The following NKAIN1 variants were observed in gnomAD, a reference collection of about 807,000 sequenced individuals.
The protein encoded by NKAIN1 is sodium/potassium transporting ATPase interacting 1.
NKAIN1 carries 13 observed loss-of-function variants against 31.6 expected under a neutral mutation model. The ratio of observed to expected loss-of-function variants is 0.41; its 90% CI spans 0.27 to 0.65. The LOEUF is 0.65. NKAIN1 is among the 30% of genes least tolerant of loss of function. The pLI, the probability that NKAIN1 is intolerant of heterozygous loss-of-function variation, is 0.30. For missense variants in NKAIN1, 193 were observed against 262.2 expected (o/e 0.74, Z 1.82); for synonymous variants, 104 against 109.0 (o/e 0.95, Z 0.28).
At chr1:31,215,295 A>T (rs929822267) in intron 1 of NKAIN1, among the ~76,000 whole-genome samples, 1 of 152,046 alleles carries the variant, frequency 6.6e-6, no homozygotes, top group Non-Finnish European at 1.5e-5. Flanking sequence ...ACTCCCCCCA[A>T]CCCAGGGCTT....
intron 1 of NKAIN1, chr1:31,188,394 T>C (rs1645261163): frequency 3.5e-6 from 2 of 577,762 alleles, no homozygotes; most frequent in African/African-American, 1.9e-5. Flanking sequence ...GTGATAGGAG[T>C]GAGGGTTCAG....
intron 1 of NKAIN1, among the ~76,000 whole-genome samples, chr1:31,195,011 G>A (rs957074338): frequency 2.7e-5 from 4 of 147,664 alleles, no homozygotes; most frequent in African/African-American, 1.0e-4. Context: ...GACCTCATAA[G>A]CCACCCGCCG....
chr1:31,238,455 T>G (rs1451283700), intron 1 of NKAIN1, among the ~76,000 whole-genome samples: 1 of 152,152 alleles, frequency 6.6e-6, no homozygotes, highest in East Asian at 1.9e-4. Context: ...AAGCACAGCT[T>G]CAACCTCCCT....
rs77535566 is a variant in NKAIN1, at chr1:31,191,703, C to T, written c.55-3516G>A. 2.8e-4 allele frequency among the ~76,000 whole-genome samples: 43 copies of T among 152,316 alleles called. 1 individual carries two copies. The East Asian group carries it at 6.9e-3, about 25-fold the overall frequency. ...TAGGATCTGGCTCAATCCTGTATTT[C>T]CCATCAGCTCCTGCCCCCAAGAGGC... On this transcript the variant is annotated intron_variant, in intron 1 of 6. Coordinates refer to ENST00000373736, the MANE Select transcript of NKAIN1 (RefSeq NM_024522.3).
At chr1:31,194,787 T>C (rs1645311529) in intron 1 of NKAIN1, among the ~76,000 whole-genome samples, 3 of 144,770 alleles carry the variant, frequency 2.1e-5, no homozygotes, top group Non-Finnish European at 4.5e-5. Context: ...TTTTTTTTTT[T>C]TTGAGACAGA....
At position 31,188,115 on chromosome 1, in the gene NKAIN1, G is replaced by A; in HGVS notation, c.127C>T (p.His43Tyr). The part of the protein sequence containing the change: ...QWAPILANFL[H>Y]IMAVILGIFG... The stretch of plus-strand genomic sequence containing the variant: ...ATGCCCAGGATGACTGCCATGATGT[G>A]CAGGAAGTTGGCTAGGATGGGAGCC... The change falls in exon 2 of 7, where the codon CAC (histidine) becomes TAC (tyrosine). Residue 43 changes from histidine (H) to tyrosine (Y), a missense_variant. Physicochemically the swap from His to Tyr is moderately conservative, Grantham distance 83. Transcript: ENST00000373736. 6.4e-7 allele frequency: 1 copy of A among 1,552,800 alleles called. No individual in the cohort carries two copies.
chr1:31,236,055 C>T (rs975687040), intron 1 of NKAIN1, among the ~76,000 whole-genome samples: 1 of 152,182 alleles, frequency 6.6e-6, no homozygotes, highest in Admixed American at 6.5e-5. Flanking sequence ...TGAGTCCTCA[C>T]AACAACCCTA....
chr1:31,232,424 T>TAGAG lies in NKAIN1; in HGVS notation c.54+7066_54+7069dup, dbSNP rs34605060. On this transcript the variant is annotated intron_variant, in intron 1 of 6. Transcript: ENST00000373736. ...ATATATATATATATATATATATATATAGAGAGAGAGAGAGAGAGAGAGAGA... is the reference window on the plus strand; with the variant it reads ...ATATATATATATATATATATATATATAGAGAGAGAGAGAGAGAGAGAGAGAGAGA... Among the ~76,000 whole-genome samples, 149 of 16,898 alleles carry TAGAG rather than the reference T, an allele frequency of 8.8e-3. 1 individual carries two copies. The highest frequency in any genetic ancestry group is 0.031 in the East Asian group (7 of 226). The allele number at this position is 16,898 out of a possible 152,430, so 11.1% of individuals were successfully genotyped here.
At chr1:31,187,314 G>A (rs1350474344) in intron 2 of NKAIN1, among the ~76,000 whole-genome samples, 1 of 152,172 alleles carries the variant, frequency 6.6e-6, no homozygotes, top group African/African-American at 2.4e-5. Context: ...AGGGAATATG[G>A]GTGAATCTAG....
intron 1 of NKAIN1, among the ~76,000 whole-genome samples, chr1:31,227,930 T>C (rs6425719): frequency 0.32 from 48,095 of 151,818 alleles, 9,657 homozygotes; most frequent in African/African-American, 0.57. Flanking sequence ...CACCTTCCTG[T>C]CCCCCTGGCC....
chr1:31,209,201 C>T (rs1046422609), intron 1 of NKAIN1, among the ~76,000 whole-genome samples: 9 of 152,172 alleles, frequency 5.9e-5, no homozygotes, highest in African/African-American at 1.9e-4. Flanking sequence ...ACGGTGAAAC[C>T]TGGTCTCTAC....
At chr1:31,186,731 C>T (rs1645247264) in intron 2 of NKAIN1, among the ~76,000 whole-genome samples, 1 of 152,182 alleles carries the variant, frequency 6.6e-6, no homozygotes, top group Admixed American at 6.5e-5. Context: ...ATAAATTGTA[C>T]TTGAATGACA....
chr1:31,217,227 C>T (rs1645520466), intron 1 of NKAIN1, among the ~76,000 whole-genome samples: 1 of 152,062 alleles, frequency 6.6e-6, no homozygotes, highest in Non-Finnish European at 1.5e-5. Flanking sequence ...TGTGGCAGCA[C>T]AGTCATAGCT....
intron 1 of NKAIN1, among the ~76,000 whole-genome samples, chr1:31,193,315 G>A (rs186983002): frequency 2.3e-4 from 34 of 150,618 alleles, no homozygotes; most frequent in African/African-American, 3.7e-4. Context: ...TGATCCACCC[G>A]CCTCAGCCTC....
chr1:31,206,021 G>A (rs1484152209), intron 1 of NKAIN1, among the ~76,000 whole-genome samples: 1 of 149,598 alleles, frequency 6.7e-6, no homozygotes, highest in East Asian at 2.0e-4. Context: ...ATCACCTGAG[G>A]TCAGGAGTTC....
intron 1 of NKAIN1, among the ~76,000 whole-genome samples, chr1:31,234,827 C>T (rs1421068759): frequency 6.6e-6 from 1 of 152,072 alleles, no homozygotes; most frequent in Admixed American, 6.6e-5. Context: ...TAGAGTAGCA[C>T]GGGGCTGAGA....
In NKAIN1 at chr1:31,239,372, C is replaced by T. The variant is rs1645716161; in HGVS notation, c.54+122G>A. ...GACCGCTCCGAGACTCCAGACCACC[C>T]CCCGCCCGGGCACACGCACCAGACA... On this transcript the variant is annotated intron_variant, in intron 1 of 6. Coordinates refer to ENST00000373736, the MANE Select transcript of NKAIN1 (RefSeq NM_024522.3). This position sits in a 1 kb window ranked among gnomAD's most constrained non-coding sequence, Gnocchi z 4.8. 19 of 677,372 alleles carry T rather than the reference C, an allele frequency of 2.8e-5. 1 individual carries two copies. The South Asian group carries it at 6.1e-4, about 22-fold the overall frequency. 42.0% of individuals were successfully genotyped at this position (677,372 alleles called of 1,614,324 possible).
chr1:31,195,225 TCTC>T (rs2148352687), intron 1 of NKAIN1, among the ~76,000 whole-genome samples: 1 of 151,400 alleles, frequency 6.6e-6, no homozygotes, highest in East Asian at 2.0e-4. Flanking sequence ...TTCAAGCTAT[TCTC>T]CTGCCTCAGC....
chr1:31,235,761 C>T (rs1569596633), intron 1 of NKAIN1, among the ~76,000 whole-genome samples: 1 of 152,248 alleles, frequency 6.6e-6, no homozygotes, highest in African/African-American at 2.4e-5. Context: ...GATGGAAAAA[C>T]CAAAGCCTAG....
Sources: gnomAD v4.1 joint callset for allele counts (sites outside exome capture counted in the v4.1 genomes callset) on GRCh38, gnomAD v4.1.1 for gene constraint, Gnocchi (gnomAD v3.1) non-coding constraint, MANE v1.5 for transcripts, NCBI Gene and HGNC (gene_info 2026-07-23, HGNC 2026-07-21) for gene names.